Variants in PCARE observed in about 807,000 individuals in gnomAD.
The protein encoded by PCARE is uncharacterized protein C2orf71.
A neutral mutation model predicts 82.2 loss-of-function variants in PCARE; 72 were observed. The ratio of observed to expected loss-of-function variants is 0.88; its 90% CI spans 0.72 to 1.07. The LOEUF is 1.07. Among genes scored for constraint, PCARE ranks in the 50% least tolerant of loss-of-function variants. The probability of loss-of-function intolerance (pLI) is 0.00; values close to 1 mark genes in which losing one functional copy is unlikely to be tolerated. For synonymous variants in PCARE, 705 were observed against 634.8 expected (o/e 1.11, Z -1.66); for missense variants, 1,768 against 1,592.4 (o/e 1.11, Z -1.88).
At position 29,063,476 on chromosome 2, in the gene PCARE, C is replaced by G. The variant is rs985155501; in HGVS notation, c.*1393G>C. ...ATTTACTCAGAGTCATAGCCTCTCT[C>G]TGGGGGAGGTTGCTATAGTCCCTAG... On this transcript the variant is annotated 3_prime_UTR_variant, in exon 2 of 2. Coordinates refer to ENST00000331664, the MANE Select transcript of PCARE (RefSeq NM_001029883.3). 2 of 152,670 alleles carry G rather than the reference C, an allele frequency of 1.3e-5. No individual in the cohort carries two copies. Among genetic ancestry groups the G allele is most frequent in the African/African-American group, 4.8e-5 (2 of 41,458 alleles). The allele number at this position is 152,670 out of a possible 1,614,324, so 9.5% of individuals were successfully genotyped here.
chr2:29,070,960 T>C lies in PCARE; in HGVS notation c.3302A>G (p.Glu1101Gly). The C allele has an allele frequency of 2.5e-6, 4 of 1,609,434 alleles. No individual in the cohort carries two copies. Among genetic ancestry groups the C allele is most frequent in the Non-Finnish European group, 3.4e-6 (4 of 1,178,186 alleles). ...TTGGCTGTCTTCAGAGTCTCTTGTTTCCTTGTGCTCCTGAGAAGGGGACAT... is the reference window on the plus strand; with the variant it reads ...TTGGCTGTCTTCAGAGTCTCTTGTTCCCTTGTGCTCCTGAGAAGGGGACAT... Reference protein sequence around the residue: ...PPMSPSQEHKETRDSEDSQAV... With the variant: ...PPMSPSQEHKGTRDSEDSQAV... The change falls in exon 1 of 2, where the codon GAA becomes GGA. Residue 1101 changes from glutamate (E) to glycine (G), a missense_variant. Physicochemically the swap from Glu to Gly is moderately conservative, Grantham distance 98 (BLOSUM62 -2). Coordinates refer to ENST00000331664, the MANE Select transcript of PCARE (RefSeq NM_001029883.3).
At position 29,071,654 on chromosome 2, in the gene PCARE, C is replaced by A; in HGVS notation, c.2608G>T (p.Ala870Ser). The change falls in exon 1 of 2, where the codon GCT becomes TCT. Residue 870 changes from alanine (A) to serine (S), a missense_variant. Physicochemically the swap from Ala to Ser is moderately conservative, Grantham distance 99. Transcript: ENST00000331664. The part of the protein sequence containing the change: ...KETQEPGPGE[A>S]GPTRRTWASP... ...GCCCATGTTCTCCTGGTGGGGCCAG[C>A]CTCTCCCGGCCCTGGCTCCTGGGTT... 1 of 1,613,878 alleles carries A rather than the reference C, an allele frequency of 6.2e-7. No homozygotes were observed. Among genetic ancestry groups the A allele is most frequent in the Non-Finnish European group, 8.5e-7 (1 of 1,179,864 alleles).
chr2:29,064,760 C>T lies in PCARE; in HGVS notation c.*109G>A. 6.9e-7 allele frequency: 1 copy of T among 1,446,754 alleles called. No homozygotes were observed. Among genetic ancestry groups the T allele is most frequent in the South Asian group, 1.2e-5 (1 of 84,138 alleles). 89.6% of individuals were successfully genotyped at this position (1,446,754 alleles called of 1,614,324 possible). On this transcript the variant is annotated 3_prime_UTR_variant, in exon 2 of 2. Transcript: ENST00000331664. Reference sequence around the variant, plus strand: ...GCACCTTCCAGGCCTTTCCAGGACACCTCAGTAGGAGTTTGGTTTGCCCAT... The same window carrying T: ...GCACCTTCCAGGCCTTTCCAGGACATCTCAGTAGGAGTTTGGTTTGCCCAT...
chr2:29,066,716 T>C (rs1309873753), intron 1 of PCARE, among the ~76,000 whole-genome samples: 1 of 152,248 alleles, frequency 6.6e-6, no homozygotes, highest in Admixed American at 6.5e-5. Context: ...TCATCTGTGT[T>C]GGCCTCCGGC....
At position 29,072,760 on chromosome 2, in the gene PCARE, C is replaced by A. The variant is rs1242318497; in HGVS notation, c.1502G>T (p.Ser501Ile). ...AGTTTTTTCCTGCCAGGCACACAGACTCATGCTGCTCATTTTGTCTTCCTC... is the reference window on the plus strand; with the variant it reads ...AGTTTTTTCCTGCCAGGCACACAGAATCATGCTGCTCATTTTGTCTTCCTC... Reference protein sequence around the residue: ...EEEEDKMSSMSLCAWQEKTPH... With the variant: ...EEEEDKMSSMILCAWQEKTPH... Residue 501 changes from serine to isoleucine, a missense_variant, in exon 1 of 2, where the codon AGT (serine) becomes ATT (isoleucine). Physicochemically the swap from Ser to Ile is moderately radical, Grantham distance 142. Transcript: ENST00000331664. 2.0e-5 allele frequency: 32 copies of A among 1,614,022 alleles called. 1 individual carries two copies. Among genetic ancestry groups the A allele is most frequent in the Non-Finnish European group, 2.6e-5 (31 of 1,180,040 alleles).
At chr2:29,069,341 T>A (rs1043855329) in intron 1 of PCARE, among the ~76,000 whole-genome samples, 1 of 152,222 alleles carries the variant, frequency 6.6e-6, no homozygotes, top group Admixed American at 6.5e-5. Context: ...AATGCATATA[T>A]ATACCATGGA....
rs370416838 is a variant in PCARE at position 29,071,788 on chromosome 2, C to T, written c.2474G>A (p.Gly825Glu). 9.9e-6 allele frequency: 16 copies of T among 1,613,522 alleles called. No homozygotes were observed. The highest frequency in any genetic ancestry group is 1.4e-5 in the Non-Finnish European group (16 of 1,179,630). The change falls in exon 1 of 2, where the codon GGG becomes GAG. Residue 825 changes from glycine (G) to glutamate (E), a missense_variant. Coordinates refer to ENST00000331664, the MANE Select transcript of PCARE (RefSeq NM_001029883.3). ...KSEELSCEME[G>E]NLEHLPPPPM... ...CGGTGGAGGGAGGTGCTCGAGGTTCCCCTCCATTTCACAGCTGAGCTCCTC... is the reference window on the plus strand; with the variant it reads ...CGGTGGAGGGAGGTGCTCGAGGTTCTCCTCCATTTCACAGCTGAGCTCCTC...
Position 29,071,954 on chromosome 2 carries a change from TGG to T in PCARE, c.2306_2307del (p.Pro769GlnfsTer41). The T allele has an allele frequency of 6.2e-7, 1 of 1,614,124 alleles. No homozygotes were observed. The highest frequency in any genetic ancestry group is 8.5e-7 in the Non-Finnish European group (1 of 1,179,958). ...TACAAAGGGGCAAGCCCTGTGTACT[TGG>T]GAAATCTGGGGGGCATGATGCAATT... The part of the protein sequence containing the change: ...LRNCIMPPRF[P>X]KYTGLAPLYP... On this transcript the variant is annotated frameshift_variant, in exon 1 of 2. Transcript: ENST00000331664. LOFTEE classifies it high-confidence loss of function.
At chr2:29,069,820 T>TGATA (rs1667442454) in intron 1 of PCARE, among the ~76,000 whole-genome samples, 1 of 152,202 alleles carries the variant, frequency 6.6e-6, no homozygotes, top group Admixed American at 6.5e-5. Flanking sequence ...CAGTAAACAT[T>TGATA]GATAGATATA....
chr2:29,065,268 C>T (rs759971563), intron 1 of PCARE, among the ~76,000 whole-genome samples: 32 of 152,220 alleles, frequency 2.1e-4, no homozygotes, highest in African/African-American at 5.8e-4. Flanking sequence ...CAGGGGTGGG[C>T]GCTGTGGGAG....
chr2:29,069,065 G>A (rs34360803), intron 1 of PCARE, among the ~76,000 whole-genome samples: 24,364 of 152,134 alleles, frequency 0.16, 2,390 homozygotes, highest in Middle Eastern at 0.27. Context: ...GGAGAGCCCC[G>A]CGTCTACATG....
chr2:29,071,342 C>G lies in PCARE; in HGVS notation c.2920G>C (p.Glu974Gln). 1 of 1,613,650 alleles carries G rather than the reference C, an allele frequency of 6.2e-7. No homozygotes were observed. The highest frequency in any genetic ancestry group is 8.5e-7 in the Non-Finnish European group (1 of 1,179,922). The part of the protein sequence containing the change: ...GPPSGQNRTS[E>Q]SSLARPRQSR... ...TGCCTTGGTCTGGCCAGGCTGGACT[C>G]TGAGGTCCTGTTTTGTCCAGATGGA... Residue 974 changes from glutamate (E) to glutamine (Q), a missense_variant, in exon 1 of 2, where the codon GAG (glutamate) becomes CAG (glutamine). Physicochemically the swap from Glu to Gln is conservative, Grantham distance 29. Coordinates refer to ENST00000331664, the MANE Select transcript of PCARE (RefSeq NM_001029883.3).
Position 29,064,789 on chromosome 2 carries a change from C to G in PCARE, c.*80G>C. 5 of 1,583,096 alleles carry G rather than the reference C, an allele frequency of 3.2e-6. No individual in the cohort carries two copies. Among genetic ancestry groups the G allele is most frequent in the Non-Finnish European group, 3.4e-6 (4 of 1,167,154 alleles). On this transcript the variant is annotated 3_prime_UTR_variant, in exon 2 of 2. Coordinates refer to ENST00000331664, the MANE Select transcript of PCARE (RefSeq NM_001029883.3). ...AGTAGGAGTTTGGTTTGCCCATCAT[C>G]TCTGGGTCAGGCTGGACACTTGGCT...
At position 29,073,502 on chromosome 2, in the gene PCARE, G is replaced by A. The variant is rs192023448; in HGVS notation, c.760C>T (p.Pro254Ser). The change falls in exon 1 of 2, where the codon CCT becomes TCT. Residue 254 changes from proline to serine, a missense_variant. By Grantham distance (74) the Pro-to-Ser change is moderately conservative. Coordinates refer to ENST00000331664, the MANE Select transcript of PCARE (RefSeq NM_001029883.3). ...TCCTGGGGCTCTCTTTTCTTCAAAG[G>A]CCAAGCCAGATCCTCCCTGACTTCC... ...LQEVREDLAW[P>S]LKKREPQEQP... 9.3e-6 allele frequency: 15 copies of A among 1,614,124 alleles called. No individual in the cohort carries two copies. In the South Asian group the frequency reaches 1.1e-4, roughly 12 times the overall value.
Position 29,064,955 on chromosome 2 carries a change from G to T in PCARE, c.3781C>A (p.His1261Asn). 1 of 1,605,868 alleles carries T rather than the reference G, an allele frequency of 6.2e-7. No individual in the cohort carries two copies. The highest frequency in any genetic ancestry group is 8.5e-7 in the Non-Finnish European group (1 of 1,176,646). ...ASPPEFCVLG[H>N]GLQPEPRTGH... The stretch of plus-strand genomic sequence containing the variant: ...GTCCGAGGCTCCGGTTGCAGCCCGT[G>T]GCCCAGCACACAGAACTCTGGGGGA... The change falls in exon 2 of 2, where the codon CAC (histidine) becomes AAC (asparagine). Residue 1261 changes from histidine to asparagine, a missense_variant. Physicochemically the swap from His to Asn is moderately conservative, Grantham distance 68. Transcript: ENST00000331664.
Position 29,074,472 on chromosome 2 carries a change from T to A in PCARE, c.-211A>T, listed in dbSNP as rs1056107227. Reference sequence around the variant, plus strand: ...GAGGGAGTGGTACCTGTCGTCCTGTTGTTGTTCTAAGTTTGGAACCCTCTG... The same window carrying A: ...GAGGGAGTGGTACCTGTCGTCCTGTAGTTGTTCTAAGTTTGGAACCCTCTG... On this transcript the variant is annotated 5_prime_UTR_variant, in exon 1 of 2. Transcript: ENST00000331664. Among the ~76,000 whole-genome samples the A allele has an allele frequency of 1.8e-5, 2 of 110,622 alleles. No individual in the cohort carries two copies. Among genetic ancestry groups the A allele is most frequent in the Non-Finnish European group, 4.9e-5 (2 of 40,590 alleles). 72.6% of individuals were successfully genotyped at this position (110,622 alleles called of 152,430 possible). A position where few individuals can be genotyped will look rare whatever the true frequency, so the allele number is the denominator to read the frequency against.
At position 29,065,531 on chromosome 2, in the gene PCARE, G is replaced by C. The variant is rs936005971; in HGVS notation, c.3669-464C>G. Among the ~76,000 whole-genome samples, 3 of 152,262 alleles carry C rather than the reference G, an allele frequency of 2.0e-5. No homozygotes were observed. The South Asian group carries it at 6.2e-4, about 31-fold the overall frequency. On this transcript the variant is annotated intron_variant, in intron 1 of 1. Transcript: ENST00000331664. ...AAAAATGCAAACAGCTTGGCCCAGC[G>C]CAGGCCCCGCATTTGGCTGGAACAG...
rs1667366742 is a variant in PCARE at position 29,064,787 on chromosome 2, A to G, written c.*82T>C. Reference sequence around the variant, plus strand: ...TCAGTAGGAGTTTGGTTTGCCCATCATCTCTGGGTCAGGCTGGACACTTGG... The same window carrying G: ...TCAGTAGGAGTTTGGTTTGCCCATCGTCTCTGGGTCAGGCTGGACACTTGG... On this transcript the variant is annotated 3_prime_UTR_variant, in exon 2 of 2. Coordinates refer to ENST00000331664, the MANE Select transcript of PCARE (RefSeq NM_001029883.3). 6.3e-7 allele frequency: 1 copy of G among 1,578,184 alleles called. No homozygotes were observed. The highest frequency in any genetic ancestry group is 2.3e-5 in the East Asian group (1 of 44,254).
chr2:29,064,568 A>T lies in PCARE; in HGVS notation c.*301T>A. On this transcript the variant is annotated 3_prime_UTR_variant, in exon 2 of 2. Coordinates refer to ENST00000331664, the MANE Select transcript of PCARE (RefSeq NM_001029883.3). Reference sequence around the variant, plus strand: ...AAAACCCTATCAAGCATGCAACTATACATTCTCCACCCCCCACCCCACCCC... The same window carrying T: ...AAAACCCTATCAAGCATGCAACTATTCATTCTCCACCCCCCACCCCACCCC... The T allele has an allele frequency of 3.7e-6, 2 of 546,920 alleles. No individual in the cohort carries two copies. Among genetic ancestry groups the T allele is most frequent in the Non-Finnish European group, 6.6e-6 (2 of 303,296 alleles). 33.9% of individuals were successfully genotyped at this position (546,920 alleles called of 1,614,324 possible).
Sources: allele counts gnomAD v4.1 joint callset (sites outside exome capture counted in the v4.1 genomes callset), GRCh38; gene constraint gnomAD v4.1.1; transcripts MANE v1.5; gene names NCBI Gene and HGNC (gene_info 2026-07-23, HGNC 2026-07-21).